Variants in NUP50 observed in about 807,000 individuals in gnomAD.
NUP50 encodes nuclear pore complex protein Nup50.
A neutral mutation model predicts 36.8 loss-of-function variants in NUP50; 14 were observed. The ratio of observed to expected loss-of-function variants is 0.38; its 90% CI spans 0.25 to 0.59. The LOEUF is 0.59. Among genes scored for constraint, NUP50 ranks in the 20% least tolerant of loss-of-function variants. The probability of loss-of-function intolerance (pLI) is 0.63; values close to 1 mark genes in which losing one functional copy is unlikely to be tolerated. For missense variants in NUP50, 455 were observed against 564.6 expected (o/e 0.81, Z 1.97); for synonymous variants, 195 against 210.8 (o/e 0.93, Z 0.65).
intron 1 of NUP50, among the ~76,000 whole-genome samples, chr22:45,167,271 G>GT (rs1413565988): frequency 5.3e-5 from 8 of 152,200 alleles, no homozygotes; most frequent in African/African-American, 1.9e-4. Context: ...AAATGGAAAG[G>GT]TTTTTTGTCC....
Position 45,181,284 on chromosome 22 carries a change from A to C in NUP50, c.1004-2A>C. On this transcript the variant is annotated splice_acceptor_variant, in intron 5 of 7. Transcript: ENST00000347635. LOFTEE classifies it high-confidence loss of function. ...ACTGAATTATTGTCATTTTTATAAA[A>C]GGTGGAGATGAAGAAGAGAATGATG... 6.3e-7 allele frequency: 1 copy of C among 1,584,276 alleles called. No individual in the cohort carries two copies. Among genetic ancestry groups the C allele is most frequent in the Non-Finnish European group, 8.6e-7 (1 of 1,167,962 alleles).
intron 7 of NUP50, 146 bp from the exon 8 acceptor site, chr22:45,184,307 A>C: frequency 1.3e-5 from 9 of 717,100 alleles, no homozygotes; most frequent in East Asian, 2.7e-5. Context: ...TTCTCAGGGA[A>C]CCAGTCCTGA....
chr22:45,177,930 C>G (rs1320831876), intron 4 of NUP50: 3 of 300,226 alleles, frequency 1.0e-5, no homozygotes, highest in Non-Finnish European at 1.9e-5. Flanking sequence ...AGTTCAAGAC[C>G]AGCCTGGCCA....
intron 1 of NUP50, among the ~76,000 whole-genome samples, chr22:45,167,685 G>T (rs529149865): frequency 5.1e-4 from 78 of 152,216 alleles, no homozygotes; most frequent in African/African-American, 1.8e-3. Flanking sequence ...TTGTGGAGGC[G>T]TTTCCAGCCC....
intron 6 of NUP50, among the ~76,000 whole-genome samples, chr22:45,183,145 A>T (rs1236378700): frequency 6.6e-6 from 1 of 150,620 alleles, no homozygotes; most frequent in Non-Finnish European, 1.5e-5. Context: ...ACACAGTTTC[A>T]GAAAGTGTTA....
rs1235776982 is a variant in NUP50 at position 45,164,960 on chromosome 22, TTC to T, written c.-11+666_-11+667del. 33 of 152,218 alleles carry T rather than the reference TTC, an allele frequency of 2.2e-4. 2 individuals are homozygous for T. Among genetic ancestry groups the T allele is most frequent in the African/African-American group, 6.8e-4 (28 of 41,442 alleles). The allele number at this position is 152,218 out of a possible 1,614,324, so 9.4% of individuals were successfully genotyped here. On this transcript the variant is annotated intron_variant, in intron 1 of 7. Transcript: ENST00000347635. ...AAGAACCAGCTTGGAGATTAGGTAT[TTC>T]TGTCTCCTTACTTGGCCCCCTTGTT...
intron 6 of NUP50, among the ~76,000 whole-genome samples, chr22:45,183,095 G>GCA (rs2074407349): frequency 6.9e-6 from 1 of 144,068 alleles, no homozygotes. Context: ...CGGGGGGGGG[G>GCA]GGGGGTTGGT....
chr22:45,165,471 C>A (rs1257774062), intron 1 of NUP50, among the ~76,000 whole-genome samples: 1 of 152,216 alleles, frequency 6.6e-6, no homozygotes, highest in Non-Finnish European at 1.5e-5. Context: ...GTTTCCAACT[C>A]CTGGCTTCAA....
At chr22:45,179,359 G>GA (rs1256620953) in intron 5 of NUP50, 2 of 154,804 alleles carry the variant, frequency 1.3e-5, no homozygotes, top group Non-Finnish European at 2.9e-5. Context: ...CCATAGAGAA[G>GA]AAATCAACAT....
chr22:45,174,809 T>C (rs1328304948), intron 3 of NUP50, among the ~76,000 whole-genome samples: 1 of 152,236 alleles, frequency 6.6e-6, no homozygotes, highest in Non-Finnish European at 1.5e-5. Context: ...AGTTACAATT[T>C]TCCATTCTTT....
Position 45,184,159 on chromosome 22 carries a change from A to G in NUP50, c.1205-294A>G, listed in dbSNP as rs113312217. 1,499 of 404,158 alleles carry G rather than the reference A, an allele frequency of 3.7e-3. 22 individuals carry two copies. Among genetic ancestry groups the G allele is most frequent in the African/African-American group, 0.028 (1,368 of 49,462 alleles). 25.0% of individuals were successfully genotyped at this position (404,158 alleles called of 1,614,324 possible). The stretch of plus-strand genomic sequence containing the variant: ...TTCTTCCTTCAGTGCAAAGACGGAC[A>G]GTGTTGAGAGGGCTGACGGTTCTGA... On this transcript the variant is annotated intron_variant, in intron 7 of 7. Coordinates refer to ENST00000347635, the MANE Select transcript of NUP50 (RefSeq NM_007172.4).
At chr22:45,171,136 T>A (rs770668918) in intron 2 of NUP50, 2 of 1,233,454 alleles carry the variant, frequency 1.6e-6, no homozygotes, top group Non-Finnish European at 2.1e-6. Context: ...TGGCCTTTCG[T>A]ACAGTGGGCA....
intron 1 of NUP50, chr22:45,165,946 A>G (rs1170999998): frequency 6.6e-6 from 1 of 152,236 alleles, no homozygotes; most frequent in Non-Finnish European, 1.5e-5. Flanking sequence ...GGATGCCAGC[A>G]TCTTTTAGTA....
chr22:45,174,411 A>C (rs925714083), intron 3 of NUP50, among the ~76,000 whole-genome samples: 8 of 152,154 alleles, frequency 5.3e-5, no homozygotes, highest in Non-Finnish European at 1.0e-4. Flanking sequence ...TCCTGGGCTC[A>C]AGTGACCTGA....
intron 7 of NUP50, chr22:45,184,176 C>A: frequency 2.2e-6 from 1 of 451,588 alleles, no homozygotes; most frequent in South Asian, 2.4e-5. Flanking sequence ...AGAGGGCTGA[C>A]GGTTCTGAGC....
At chr22:45,164,708 G>A (rs1486318423) in intron 1 of NUP50, 2 of 152,230 alleles carry the variant, frequency 1.3e-5, no homozygotes, top group East Asian at 1.9e-4. Context: ...GGGCCCCACC[G>A]GGCTGCGGCG....
rs6007487 is a variant in NUP50 at position 45,170,238 on chromosome 22, G to A, written c.70-1362G>A. Among the ~76,000 whole-genome samples the A allele has an allele frequency of 7.3e-3, 1,105 of 151,882 alleles. 15 individuals carry two copies. Among genetic ancestry groups the A allele is most frequent in the African/African-American group, 0.026 (1,061 of 41,406 alleles). ...CCATTCAGGGCCACTGCCGGTCTCC[G>A]TGTCTTGGTGGTAGTAGTCCCCCAG... On this transcript the variant is annotated intron_variant, in intron 2 of 7. Transcript: ENST00000347635.
intron 4 of NUP50, 90 bp from the exon 5 acceptor site, chr22:45,178,148 G>A: frequency 8.5e-7 from 1 of 1,174,354 alleles, no homozygotes; most frequent in Non-Finnish European, 1.2e-6. Flanking sequence ...TACAGTAAAA[G>A]CAGAAAGTAT....
intron 3 of NUP50, chr22:45,172,255 G>T (rs1471610940): frequency 6.6e-6 from 1 of 152,356 alleles, no homozygotes; most frequent in African/African-American, 2.4e-5. Flanking sequence ...ACCCAGGAGA[G>T]TGTGGTCTTG....
Sources: gnomAD v4.1 joint callset for allele counts (sites outside exome capture counted in the v4.1 genomes callset) on GRCh38, gnomAD v4.1.1 for gene constraint, MANE v1.5 for transcripts, NCBI Gene and HGNC (gene_info 2026-07-23, HGNC 2026-07-21) for gene names.